Variants in CPNE4 observed in about 807,000 individuals in gnomAD.
CPNE4 encodes copine-4.
Under a neutral mutation model 67.9 loss-of-function variants are expected in CPNE4, and 25 were observed. That is an observed-to-expected ratio of 0.37 (90% CI 0.27 to 0.51). The LOEUF is 0.51. Among genes scored for constraint, CPNE4 ranks in the 20% least tolerant of loss-of-function variants. The probability of loss-of-function intolerance (pLI) is 0.93; values close to 1 mark genes in which losing one functional copy is unlikely to be tolerated. For synonymous variants in CPNE4, 242 were observed against 244.9 expected (o/e 0.99, Z 0.11); for missense variants, 464 against 690.8 (o/e 0.67, Z 3.68).
intron 1 of CPNE4, among the ~76,000 whole-genome samples, chr3:131,973,388 G>A (rs2107620975): frequency 6.6e-6 from 1 of 152,146 alleles, no homozygotes; most frequent in Non-Finnish European, 1.5e-5. Flanking sequence ...AATCAATGTA[G>A]TAATAATAAT....
chr3:131,791,645 G>A (rs915134832), intron 2 of CPNE4, among the ~76,000 whole-genome samples: 3 of 152,128 alleles, frequency 2.0e-5, no homozygotes, highest in Non-Finnish European at 4.4e-5. Flanking sequence ...TTAGGAAACA[G>A]TACAGATGGA....
intron 1 of CPNE4, among the ~76,000 whole-genome samples, chr3:131,936,187 C>T (rs1472922439): frequency 1.3e-5 from 2 of 151,774 alleles, no homozygotes; most frequent in African/African-American, 2.4e-5. Context: ...ATTTAAGCTA[C>T]AGAAAATCAA....
At chr3:131,755,217 G>C (rs1364910421) in intron 2 of CPNE4, among the ~76,000 whole-genome samples, 1 of 145,386 alleles carries the variant, frequency 6.9e-6, no homozygotes, top group South Asian at 2.1e-4. Flanking sequence ...TTTTTTGCTA[G>C]ATACATTGTG....
intron 7 of CPNE4, among the ~76,000 whole-genome samples, chr3:131,605,010 T>C (rs1939417150): frequency 6.6e-6 from 1 of 152,180 alleles, no homozygotes; most frequent in African/African-American, 2.4e-5. Flanking sequence ...ATTGGCTAAG[T>C]CCTCTAAGTA....
At chr3:131,772,882 G>C (rs1367779192) in intron 2 of CPNE4, among the ~76,000 whole-genome samples, 1 of 152,114 alleles carries the variant, frequency 6.6e-6, no homozygotes, top group Non-Finnish European at 1.5e-5. Context: ...TGTGCTTGCT[G>C]CCTGTATACA....
At chr3:131,567,499 G>T (rs1937119545) in intron 10 of CPNE4, among the ~76,000 whole-genome samples, 1 of 152,000 alleles carries the variant, frequency 6.6e-6, no homozygotes, top group South Asian at 2.1e-4. Context: ...ACTCTCAGCA[G>T]ACCCTATACT....
intron 4 of CPNE4, among the ~76,000 whole-genome samples, chr3:131,697,053 AT>A (rs1354803665): frequency 1.3e-5 from 2 of 152,146 alleles, no homozygotes; most frequent in East Asian, 3.8e-4. Flanking sequence ...TTTATGTCAA[AT>A]TTTTCTAATT....
intron 7 of CPNE4, among the ~76,000 whole-genome samples, chr3:131,597,729 C>T (rs2107717870): frequency 6.6e-6 from 1 of 152,288 alleles, no homozygotes; most frequent in African/African-American, 2.4e-5. Flanking sequence ...TCAAATTTCT[C>T]CTGGCTCCTT....
chr3:131,819,653 C>T (rs777560406), intron 2 of CPNE4, among the ~76,000 whole-genome samples: 17 of 152,136 alleles, frequency 1.1e-4, no homozygotes, highest in African/African-American at 1.7e-4. Context: ...ATAGCAACCA[C>T]GGTTGCCAAC....
At chr3:131,584,663 C>G (rs892584319) in intron 8 of CPNE4, among the ~76,000 whole-genome samples, 3 of 152,266 alleles carry the variant, frequency 2.0e-5, no homozygotes, top group Non-Finnish European at 4.4e-5. Context: ...ATGTCATTCT[C>G]TAGCTAGAAC....
intron 7 of CPNE4, among the ~76,000 whole-genome samples, chr3:131,646,844 G>A (rs1362135863): frequency 6.6e-6 from 1 of 152,222 alleles, no homozygotes; most frequent in African/African-American, 2.4e-5. Context: ...TAGGCATCCA[G>A]TGAGTACAGT....
chr3:131,985,901 G>C (rs1024768073), intron 1 of CPNE4: 2 of 154,056 alleles, frequency 1.3e-5, no homozygotes, highest in Non-Finnish European at 2.9e-5. Context: ...CATGGACTTA[G>C]CATAATGGGA....
intron 1 of CPNE4, among the ~76,000 whole-genome samples, 175 bp downstream of exon 1, chr3:132,034,392 G>A (rs745820471): frequency 3.5e-4 from 54 of 152,332 alleles, no homozygotes; most frequent in Middle Eastern, 3.4e-3. Flanking sequence ...AGTCCCTTCA[G>A]ATTAAAGACG....
intron 7 of CPNE4, among the ~76,000 whole-genome samples, chr3:131,619,819 G>A (rs558279316): frequency 7.9e-5 from 12 of 152,118 alleles, no homozygotes; most frequent in East Asian, 3.8e-4. Flanking sequence ...TGGTTAATAC[G>A]ATCAAGTCAT....
At chr3:131,909,902 T>A (rs1359536999) in intron 1 of CPNE4, among the ~76,000 whole-genome samples, 2 of 150,820 alleles carry the variant, frequency 1.3e-5, no homozygotes, top group African/African-American at 5.0e-5. Flanking sequence ...ATGTTTAGAG[T>A]TTTTTAAATC....
chr3:132,025,622 AACT>A (rs1268756846), intron 1 of CPNE4, among the ~76,000 whole-genome samples: 1 of 152,248 alleles, frequency 6.6e-6, no homozygotes, highest in Non-Finnish European at 1.5e-5. Flanking sequence ...TAGGGTAATT[AACT>A]ACTAATAAGC....
At chr3:131,808,079 T>A (rs1346616105) in intron 2 of CPNE4, among the ~76,000 whole-genome samples, 1 of 152,196 alleles carries the variant, frequency 6.6e-6, no homozygotes, top group Non-Finnish European at 1.5e-5. Context: ...TCCTGGCTAG[T>A]TTGACTCAAG....
chr3:131,580,235 G>T (rs1040307640), intron 9 of CPNE4, among the ~76,000 whole-genome samples: 1 of 151,990 alleles, frequency 6.6e-6, no homozygotes, highest in Non-Finnish European at 1.5e-5. Context: ...ATTAAAGTAC[G>T]TACATTTTTA....
intron 2 of CPNE4, among the ~76,000 whole-genome samples, chr3:131,896,388 C>T (rs2088332724): frequency 6.6e-6 from 1 of 151,898 alleles, no homozygotes; most frequent in Non-Finnish European, 1.5e-5. Context: ...ATTCTTTAAA[C>T]CAATACTATT....
Sources: allele counts gnomAD v4.1 joint callset (sites outside exome capture counted in the v4.1 genomes callset), GRCh38; gene constraint gnomAD v4.1.1; transcripts MANE v1.5; gene names NCBI Gene and HGNC (gene_info 2026-07-23, HGNC 2026-07-21).